Variants in OPLAH observed in about 807,000 individuals in gnomAD.
OPLAH encodes the protein 5-oxoprolinase.
A neutral mutation model predicts 122.8 loss-of-function variants in OPLAH; 103 were observed. The ratio of observed to expected loss-of-function variants is 0.84; its 90% confidence interval spans 0.71 to 0.99. The LOEUF (loss-of-function observed/expected upper bound fraction) is 0.99, where lower values mean the gene tolerates loss of function less well. Ranked by LOEUF, OPLAH falls within the 50% of genes least tolerant of loss-of-function variation. The pLI, the probability that OPLAH is intolerant of heterozygous loss-of-function variation, is 0.00. For missense variants in OPLAH, 1,902 were observed against 1,836.5 expected, an observed-to-expected ratio of 1.04 and a Z score of -0.65; for synonymous variants, 875 against 796.0, an observed-to-expected ratio of 1.10 and a Z score of -1.67.
At position 144,058,022 on chromosome 8, in the gene OPLAH, C is replaced by T. The variant is rs372330289; in HGVS notation, c.1076G>A (p.Arg359His). 16 of 1,612,348 alleles carry T rather than the reference C, an allele frequency of 9.9e-6. No individual in the cohort carries two copies. Among genetic ancestry groups the T allele is most frequent in the Admixed American group, 5.0e-5 (3 of 59,990 alleles). ...INTVAAGGGS[R>H]LFFRSGLFVV... ...CAGGAGAGCTGACCTGAAGAAGAGG[C>T]GGGAACCCCCTCCCGCTGCCACGGT... The change falls in exon 8 of 27, where the codon CGC becomes CAC. Residue 359 changes from arginine (R) to histidine (H), a missense_variant. Coordinates refer to ENST00000618853, the MANE Select transcript of OPLAH (RefSeq NM_017570.5).
Position 144,055,718 on chromosome 8 carries a change from C to T in OPLAH, c.2248+70G>A. ...CTGCTTCTGCCTCTCCCTTTGGGCA[C>T]AGCCCTGCCAGCTACCCCATGACAC... On this transcript the variant is annotated intron_variant, in intron 16 of 26. Transcript: ENST00000618853. This position sits in a 1 kb window ranked among gnomAD's most constrained non-coding sequence, Gnocchi z 6.5. The T allele has an allele frequency of 7.1e-7, 1 of 1,413,264 alleles. No individual in the cohort carries two copies. Among genetic ancestry groups the T allele is most frequent in the Non-Finnish European group, 9.3e-7 (1 of 1,080,414 alleles). The allele number at this position is 1,413,264 out of a possible 1,614,324, so 87.5% of individuals were successfully genotyped here.
intron 25 of OPLAH, 41 bp from the exon 26 acceptor site, chr8:144,051,867 G>T: frequency 6.8e-7 from 1 of 1,476,088 alleles, no homozygotes; most frequent in African/African-American, 1.4e-5. Context: ...CCAGGGGCGG[G>T]GGTGGGGGCG....
rs782408082 is a variant in OPLAH at position 144,053,306 on chromosome 8, G to A, written c.2774C>T (p.Ala925Val). The change falls in exon 20 of 27, where the codon GCC (alanine) becomes GTC (valine). Residue 925 changes from alanine to valine, a missense_variant. Ala to Val is a moderately conservative substitution (Grantham distance 64). This residue lies in a region of OPLAH where 1,726 missense variants were observed against 1,642.1 expected (regional missense o/e 1.05). Transcript: ENST00000618853. ...NLHDNLSDLR[A>V]QVAANQKGIQ... ...GCCCTTCTGGTTGGCTGCCACCTGG[G>A]CACGGAGGTCCGACAGGTTGTCGTG... 3.6e-5 allele frequency: 58 copies of A among 1,612,906 alleles called. No individual in the cohort carries two copies. The highest frequency in any genetic ancestry group is 4.4e-5 in the Non-Finnish European group (52 of 1,179,846).
At chr8:144,060,152 A>G in intron 1 of OPLAH, 67 bp from the exon 2 acceptor site, 1 of 1,154,974 alleles carries the variant, frequency 8.7e-7, no homozygotes, top group Non-Finnish European at 1.2e-6. Flanking sequence ...AGCCCTGCGC[A>G]TGCGGGGGGT....
rs1554757801 is a variant in OPLAH, at chr8:144,052,048, G to A, written c.3490C>T (p.Leu1164=). ...CCTCTGCCCCCCGAGCCCCGCCGCA[G>A]CTCGAAGCGGCGCAGGATGACCGGG... ...RYPVILRRFE[L]RRGSGGRGRF... is the part of the protein sequence containing the mutation. The change falls in exon 25 of 27, where the codon CTG becomes TTG. Residue 1164 remains leucine (L), a synonymous_variant. Transcript: ENST00000618853. 1 of 1,588,516 alleles carries A rather than the reference G, an allele frequency of 6.3e-7. No homozygotes were observed. Among genetic ancestry groups the A allele is most frequent in the East Asian group, 2.3e-5 (1 of 43,778 alleles).
At chr8:144,060,145 C>T (rs1835633400) in intron 1 of OPLAH, 60 bp from the exon 2 acceptor site, 1 of 1,219,708 alleles carries the variant, frequency 8.2e-7, no homozygotes, top group South Asian at 1.5e-5. Flanking sequence ...GCTCCCCAGC[C>T]CTGCGCATGC....
chr8:144,056,892 C>T, intron 12 of OPLAH, 56 bp downstream of exon 12: 2 of 1,524,910 alleles, frequency 1.3e-6, no homozygotes, highest in Non-Finnish European at 1.8e-6. Context: ...GAACACCCAC[C>T]AAGGGCGTGG....
At chr8:144,059,560 A>G in intron 3 of OPLAH, 39 bp downstream of exon 3, 1 of 1,569,034 alleles carries the variant, frequency 6.4e-7, no homozygotes, top group Non-Finnish European at 8.7e-7. Context: ...TGGGGGGTGT[A>G]CACCACACAG....
chr8:144,057,710 C>A lies in OPLAH; in HGVS notation c.1160G>T (p.Gly387Val), dbSNP rs1414635791. ...ATTAGCATCCGTCACTGTCACAGGGCCCCCTGGGAGGTGGACAGGGTGTGG... is the reference window on the plus strand; with the variant it reads ...ATTAGCATCCGTCACTGTCACAGGGACCCCTGGGAGGTGGACAGGGTGTGG... ...HPGPACYRKG[G>V]PVTVTDANLV... The change falls in exon 10 of 27, where the codon GGC becomes GTC. Residue 387 changes from glycine (G) to valine (V), a missense_variant. Transcript: ENST00000618853. 9 of 1,608,666 alleles carry A rather than the reference C, an allele frequency of 5.6e-6. No individual in the cohort carries two copies. The Admixed American group carries it at 1.5e-4, about 27-fold the overall frequency.
At position 144,054,851 on chromosome 8, in the gene OPLAH, G is replaced by A. The variant is rs782252482; in HGVS notation, c.2472C>T (p.Ala824=). ...GDVLLSNHPS[A]GGSHLPDLTV... ...TCAGGTCTGGCAGGTGGCTGCCCCC[G>A]GCACTGGGATGGTTGCTCAGTAGCA... Residue 824 remains alanine, a synonymous_variant, in exon 18 of 27, where the codon GCC becomes GCT. Coordinates refer to ENST00000618853, the MANE Select transcript of OPLAH (RefSeq NM_017570.5). 8.7e-6 allele frequency: 14 copies of A among 1,612,146 alleles called. No homozygotes were observed. The South Asian group carries it at 8.8e-5, about 10-fold the overall frequency.
intron 21 of OPLAH, 21 bp downstream of exon 21, chr8:144,052,962 G>A (rs1368766369): frequency 5.0e-6 from 8 of 1,587,844 alleles, no homozygotes; most frequent in Non-Finnish European, 6.9e-6. Flanking sequence ...GCCGCCTAGA[G>A]GCACTCTCCC....
Position 144,053,228 on chromosome 8 carries a change from G to T in OPLAH, c.2852C>A (p.Ala951Asp). Residue 951 changes from alanine to aspartate, a missense_variant, in exon 20 of 27, where the codon GCC (alanine) becomes GAC (aspartate). Physicochemically the swap from Ala to Asp is moderately radical, Grantham distance 126 (BLOSUM62 -2). Transcript: ENST00000618853. ...IGQYGLDVVQ[A>D]YMGHIQANAE... ...GCCCACCTGAATATGGCCCATGTAG[G>T]CCTGCACCACGTCCAGGCCGTACTG... 1 of 1,612,806 alleles carries T rather than the reference G, an allele frequency of 6.2e-7. No homozygotes were observed. The highest frequency in any genetic ancestry group is 8.5e-7 in the Non-Finnish European group (1 of 1,179,778).
rs370502606 is a variant in OPLAH, at chr8:144,051,870, T to C, written c.3623-44A>G. The C allele has an allele frequency of 0.02, 2,322 of 114,388 alleles. 34 individuals carry two copies. The African/African-American group carries it at 0.3, about 15-fold the overall frequency. 7.1% of individuals were successfully genotyped at this position (114,388 alleles called of 1,614,324 possible). A position where few individuals can be genotyped will look rare whatever the true frequency, so the allele number is the denominator to read the frequency against. ...AGTCCAGAGAGACCAGGGGCGGGGG[T>C]GGGGGCGGGGGCGGGGAGGGCCGCG... On this transcript the variant is annotated intron_variant, in intron 25 of 26. Coordinates refer to ENST00000618853, the MANE Select transcript of OPLAH (RefSeq NM_017570.5).
In OPLAH at chr8:144,054,644, G is replaced by A. The variant is rs782757769; in HGVS notation, c.2603C>T (p.Pro868Leu). Residue 868 changes from proline to leucine, a missense_variant, in exon 19 of 27, where the codon CCC becomes CTC. This residue lies in a region of OPLAH where 1,726 missense variants were observed against 1,642.1 expected (regional missense o/e 1.05). Transcript: ENST00000618853. The part of the protein sequence containing the change: ...DIGGITPGSM[P>L]PHSTMLQQEG... ...CTGTTGCAGCATGGTGGAGTGGGGG[G>A]GCATGGAGCCTGGTGTGATGCCCCC... 1.2e-6 allele frequency: 2 copies of A among 1,612,050 alleles called. No homozygotes were observed. The highest frequency in any genetic ancestry group is 2.2e-5 in the East Asian group (1 of 44,840).
chr8:144,051,487 G>T lies in OPLAH; in HGVS notation c.3721-15C>A, dbSNP rs781871568. On this transcript the variant is annotated splice_polypyrimidine_tract_variant and intron_variant, in intron 26 of 26. Coordinates refer to ENST00000618853, the MANE Select transcript of OPLAH (RefSeq NM_017570.5). ...CAGAACACATCCTGTTGGCGCGGGG[G>T]GGGGCGGGGAGGCGGGCTCAGTGCA... The T allele has an allele frequency of 1.0e-5, 15 of 1,469,938 alleles. No homozygotes were observed. Among genetic ancestry groups the T allele is most frequent in the African/African-American group, 7.6e-5 (5 of 66,110 alleles). The allele number at this position is 1,469,938 out of a possible 1,614,324, so 91.1% of individuals were successfully genotyped here.
chr8:144,056,550 G>A lies in OPLAH; in HGVS notation c.1845-27C>T, dbSNP rs781882771. On this transcript the variant is annotated intron_variant, in intron 13 of 26. Coordinates refer to ENST00000618853, the MANE Select transcript of OPLAH (RefSeq NM_017570.5). ...TGCACTCCCCGCGGGGACCCAAGGAGTGGTCAGAGTGAGGCGGCCAGACAG... is the reference window on the plus strand; with the variant it reads ...TGCACTCCCCGCGGGGACCCAAGGAATGGTCAGAGTGAGGCGGCCAGACAG... 3 of 1,612,338 alleles carry A rather than the reference G, an allele frequency of 1.9e-6. No individual in the cohort carries two copies. In the East Asian group the frequency reaches 6.7e-5, roughly 36 times the overall value.
Position 144,052,901 on chromosome 8 carries a change from C to T in OPLAH, c.3019-1G>A. On this transcript the variant is annotated splice_acceptor_variant, in intron 21 of 26. Coordinates refer to ENST00000618853, the MANE Select transcript of OPLAH (RefSeq NM_017570.5). LOFTEE classifies it high-confidence loss of function. ...CGCTGAAGTCAAACACGGCGCTGCCCTGCGCGCCCCGAGGGAAGGGAGAGG... is the reference window on the plus strand; with the variant it reads ...CGCTGAAGTCAAACACGGCGCTGCCTTGCGCGCCCCGAGGGAAGGGAGAGG... 6.4e-7 allele frequency: 1 copy of T among 1,557,734 alleles called. No individual in the cohort carries two copies. Among genetic ancestry groups the T allele is most frequent in the Non-Finnish European group, 8.7e-7 (1 of 1,151,522 alleles).
In OPLAH at chr8:144,052,235, C is replaced by G; in HGVS notation, c.3395G>C (p.Gly1132Ala). 6.4e-7 allele frequency: 1 copy of G among 1,562,626 alleles called. No individual in the cohort carries two copies. The highest frequency in any genetic ancestry group is 8.6e-7 in the Non-Finnish European group (1 of 1,159,840). Residue 1132 changes from glycine to alanine, a missense_variant, in exon 24 of 27, where the codon GGG (glycine) becomes GCG (alanine). Gly to Ala is a moderately conservative substitution (Grantham distance 60). Transcript: ENST00000618853. ...CATGTGGCTGTGCACACCGCTGCGC[C>G]CGTGCCAGCTGGGACCCGCGCCCGC... Reference protein sequence around the residue: ...GGAGAGPSWHGRSGVHSHMTN... With the variant: ...GGAGAGPSWHARSGVHSHMTN...
intron 19 of OPLAH, among the ~76,000 whole-genome samples, chr8:144,054,268 G>A (rs1178719909): frequency 1.3e-5 from 2 of 151,958 alleles, no homozygotes; most frequent in Admixed American, 6.6e-5. Context: ...ACCACAAGCA[G>A]CCACCCACCT....
Sources: gnomAD v4.1 joint callset for allele counts (sites outside exome capture counted in the v4.1 genomes callset) on GRCh38, gnomAD v4.1.1 for gene constraint, gnomAD v4.1.1 regional missense constraint, Gnocchi (gnomAD v3.1) non-coding constraint, MANE v1.5 for transcripts, NCBI Gene and HGNC (gene_info 2026-07-23, HGNC 2026-07-21) for gene names.